Variants in JAK2 observed in about 807,000 individuals in gnomAD.
JAK2 encodes the protein Janus kinase 2.
In JAK2, 86 loss-of-function variants were observed where a neutral mutation model predicts 139.3. The ratio of observed to expected loss-of-function variants is 0.62; its 90% CI spans 0.52 to 0.74. The LOEUF (loss-of-function observed/expected upper bound fraction) is 0.74. JAK2 is among the 30% of genes least tolerant of loss of function. The probability of loss-of-function intolerance (pLI) is 0.00; values close to 1 mark genes in which losing one functional copy is unlikely to be tolerated. For synonymous variants in JAK2, 490 were observed against 437.7 expected (o/e 1.12, Z -1.49); for missense variants, 1,421 against 1,360.3 (o/e 1.04, Z -0.70).
At position 5,024,070 on chromosome 9, in the gene JAK2, T is replaced by C. The variant is rs1822615277; in HGVS notation, c.226+1857T>C. ...AGGAGATCGAGATCATCCTGGCTAA[T>C]ATGGTGAAACCTCATCTCTGCTAAA... is the stretch of plus-strand genomic sequence containing the variant. On this transcript the variant is annotated intron_variant, in intron 3 of 24. Coordinates refer to ENST00000381652, the MANE Select transcript of JAK2 (RefSeq NM_004972.4). Among the ~76,000 whole-genome samples, 5 of 151,998 alleles carry C rather than the reference T, an allele frequency of 3.3e-5. No individual in the cohort carries two copies. In the South Asian group the frequency reaches 1.0e-3, roughly 32 times the overall value.
rs1486560342 is a variant in JAK2, at chr9:5,089,702, G to A, written c.2600G>A (p.Arg867Gln). The A allele has an allele frequency of 2.0e-6, 3 of 1,475,678 alleles. No individual in the cohort carries two copies. Among genetic ancestry groups the A allele is most frequent in the Non-Finnish European group, 1.8e-6 (2 of 1,109,210 alleles). 91.4% of individuals were successfully genotyped at this position (1,475,678 alleles called of 1,614,324 possible). The change falls in exon 20 of 25, where the codon CGG becomes CAG. Residue 867 changes from arginine to glutamine, a missense_variant. Coordinates refer to ENST00000381652, the MANE Select transcript of JAK2 (RefSeq NM_004972.4). Reference sequence around the variant, plus strand: ...AATTTTGGGAGTGTGGAGATGTGCCGGTATGACCCTCTACAGGACAACACT... The same window carrying A: ...AATTTTGGGAGTGTGGAGATGTGCCAGTATGACCCTCTACAGGACAACACT... ...KGNFGSVEMC[R>Q]YDPLQDNTGE...
intron 9 of JAK2, 49 bp downstream of exon 9, chr9:5,065,089 A>G (rs773851833): frequency 1.6e-6 from 2 of 1,255,154 alleles, no homozygotes; most frequent in Non-Finnish European, 1.1e-6. Flanking sequence ...TAAATGCTGT[A>G]TTTACAAAGA....
chr9:5,121,466 T>C (rs1823610400), intron 22 of JAK2, among the ~76,000 whole-genome samples: 1 of 152,158 alleles, frequency 6.6e-6, no homozygotes, highest in African/African-American at 2.4e-5. Context: ...ACTTTTCATA[T>C]CTTCATGACA....
At chr9:5,103,267 A>T (rs1821672277) in intron 22 of JAK2, among the ~76,000 whole-genome samples, 1 of 137,984 alleles carries the variant, frequency 7.2e-6, no homozygotes. Context: ...CAGGAGTTGC[A>T]ATCCCGGTCT....
At chr9:5,112,607 C>A in intron 22 of JAK2, 1 of 826,324 alleles carries the variant, frequency 1.2e-6, no homozygotes. Flanking sequence ...GGAGCTGGGG[C>A]GCATGTGGCA....
At chr9:5,115,477 T>C (rs1379483680) in intron 22 of JAK2, among the ~76,000 whole-genome samples, 1 of 152,184 alleles carries the variant, frequency 6.6e-6, no homozygotes, top group African/African-American at 2.4e-5. Flanking sequence ...TGTAAATTAG[T>C]TCAACCATTG....
intron 4 of JAK2, among the ~76,000 whole-genome samples, chr9:5,042,201 A>G (rs1017837963): frequency 1.5e-4 from 21 of 143,906 alleles, no homozygotes; most frequent in Non-Finnish European, 2.7e-4. Flanking sequence ...GCAGTGGCGC[A>G]ATCTCGGCTC....
intron 10 of JAK2, among the ~76,000 whole-genome samples, chr9:5,068,174 C>CA (rs34519862): frequency 2.0e-3 from 278 of 136,234 alleles, no homozygotes; most frequent in South Asian, 6.4e-3. Flanking sequence ...AAAACAACAA[C>CA]AAAAAAAAAA....
At chr9:4,990,575 G>C (rs996907779) in intron 2 of JAK2, among the ~76,000 whole-genome samples, 2 of 152,044 alleles carry the variant, frequency 1.3e-5, no homozygotes, top group Non-Finnish European at 1.5e-5. Flanking sequence ...TAGCGGGTGG[G>C]TGAAAGGAGA....
chr9:5,028,788 G>C (rs1398258916), intron 3 of JAK2, among the ~76,000 whole-genome samples: 1 of 152,148 alleles, frequency 6.6e-6, no homozygotes, highest in African/African-American at 2.4e-5. Flanking sequence ...TTCTTCTGCA[G>C]CTTCCTCACC....
intron 2 of JAK2, among the ~76,000 whole-genome samples, chr9:5,020,091 A>C (rs1403131849): frequency 6.6e-6 from 1 of 152,116 alleles, no homozygotes; most frequent in African/African-American, 2.4e-5. Flanking sequence ...GCCCCTGGGC[A>C]GTGAGCATGG....
intron 2 of JAK2, among the ~76,000 whole-genome samples, chr9:5,010,734 A>G (rs1031091574): frequency 2.6e-5 from 4 of 152,136 alleles, no homozygotes; most frequent in Admixed American, 1.3e-4. Context: ...TTTACATGTA[A>G]TATTTCCTTT....
rs1006403575 is a variant in JAK2, at chr9:5,128,156, A to C, written c.*1365A>C. 2 of 231,318 alleles carry C rather than the reference A, an allele frequency of 8.6e-6. No individual in the cohort carries two copies. Among genetic ancestry groups the C allele is most frequent in the Admixed American group, 1.1e-4 (2 of 17,534 alleles). The allele number at this position is 231,318 out of a possible 1,614,324, so 14.3% of individuals were successfully genotyped here. A position where few individuals can be genotyped will look rare whatever the true frequency, so the allele number is the denominator to read the frequency against. On this transcript the variant is annotated 3_prime_UTR_variant, in exon 25 of 25. Transcript: ENST00000381652. ...AAAACTTAAAATACTTGCTGTTTTG[A>C]TTAAAAAGAAAATAGTTTCTTACTT...
At chr9:5,095,000 G>C (rs554043692) in intron 22 of JAK2, 1 of 152,060 alleles carries the variant, frequency 6.6e-6, no homozygotes, top group Admixed American at 6.5e-5. Flanking sequence ...CTAATTTCCA[G>C]CATTCCACCC....
chr9:5,102,189 A>G (rs1206499105), intron 22 of JAK2, among the ~76,000 whole-genome samples: 2 of 152,168 alleles, frequency 1.3e-5, no homozygotes, highest in African/African-American at 2.4e-5. Flanking sequence ...TGTAGAGAAG[A>G]CCTTAAATGA....
rs1423428132 is a variant in JAK2 at position 5,127,043 on chromosome 9, C to T, written c.*252C>T. The stretch of plus-strand genomic sequence containing the variant: ...AAGTTTCTTAAACATTGTCAGTTAA[C>T]ATCACTCTTGTCTGGCAAAAGAAAA... On this transcript the variant is annotated 3_prime_UTR_variant, in exon 25 of 25. Transcript: ENST00000381652. 1 of 290,596 alleles carries T rather than the reference C, an allele frequency of 3.4e-6. No homozygotes were observed. The allele number at this position is 290,596 out of a possible 1,614,324, so 18.0% of individuals were successfully genotyped here.
At chr9:5,121,364 T>G (rs1316746015) in intron 22 of JAK2, among the ~76,000 whole-genome samples, 1 of 152,182 alleles carries the variant, frequency 6.6e-6, no homozygotes, top group African/African-American at 2.4e-5. Flanking sequence ...TAAGAAGACT[T>G]GACAGCACTA....
At chr9:5,096,756 A>G (rs1486352558) in intron 22 of JAK2, 2 of 152,106 alleles carry the variant, frequency 1.3e-5, no homozygotes, top group African/African-American at 4.8e-5. Flanking sequence ...GATAGTGGGT[A>G]CCTCCTTAAG....
intron 8 of JAK2, among the ~76,000 whole-genome samples, chr9:5,062,855 T>C (rs1297963355): frequency 2.0e-5 from 3 of 152,156 alleles, no homozygotes; most frequent in African/African-American, 7.2e-5. Context: ...TAGGTCAGCT[T>C]TAATATTTAT....
Sources: allele counts gnomAD v4.1 joint callset (sites outside exome capture counted in the v4.1 genomes callset), GRCh38; gene constraint gnomAD v4.1.1; transcripts MANE v1.5; gene names NCBI Gene and HGNC (gene_info 2026-07-23, HGNC 2026-07-21).